HMCN2: variants seen among roughly 807,000 people sequenced by gnomAD.
HMCN2 encodes hemicentin-2.
In HMCN2, 325 loss-of-function variants were observed where a neutral mutation model predicts 377.5. That is an observed-to-expected ratio of 0.86 (90% CI 0.79 to 0.94). The LOEUF (loss-of-function observed/expected upper bound fraction) is 0.94, where lower values mean the gene tolerates loss of function less well. HMCN2 is among the 40% of genes least tolerant of loss of function. HMCN2 has a pLI of 0.00. For synonymous variants in HMCN2, 2,007 were observed against 2,046.8 expected, an observed-to-expected ratio of 0.98 and a Z score of 0.53; for missense variants, 4,543 against 4,725.3, an observed-to-expected ratio of 0.96 and a Z score of 1.13.
Position 130,351,400 on chromosome 9 carries a change from T to G in HMCN2, c.4431-23T>G, listed in dbSNP as rs1247360324. ...TCCAGCCCCTCGGCCTTACTGGCGC[T>G]TTTCCCTTGCCCGTCTCTCCAGGCC... On this transcript the variant is annotated intron_variant, in intron 29 of 97. Coordinates refer to ENST00000683500, the MANE Select transcript of HMCN2 (RefSeq NM_001291815.2). This position sits in a 1 kb window ranked among gnomAD's most constrained non-coding sequence, Gnocchi z 5.4. 7.7e-7 allele frequency: 1 copy of G among 1,292,322 alleles called. No individual in the cohort carries two copies. The highest frequency in any genetic ancestry group is 1.2e-5 in the South Asian group (1 of 80,108). 80.1% of individuals were successfully genotyped at this position (1,292,322 alleles called of 1,614,324 possible). A position where few individuals can be genotyped will look rare whatever the true frequency, so the allele number is the denominator to read the frequency against.
intron 82 of HMCN2, chr9:130,406,482 C>G: frequency 3.5e-6 from 1 of 288,822 alleles, no homozygotes; most frequent in Non-Finnish European, 6.9e-6. Flanking sequence ...TCAGCAAACC[C>G]CTTTTGCTGG....
chr9:130,343,008 A>G (rs1839143132), intron 25 of HMCN2, among the ~76,000 whole-genome samples: 1 of 152,140 alleles, frequency 6.6e-6, no homozygotes, highest in Non-Finnish European at 1.5e-5. Context: ...TTCGAGCATC[A>G]GTTTCCCTGT....
chr9:130,296,902 C>T (rs2131319080), intron 7 of HMCN2, 108 bp downstream of exon 7: 1 of 412,864 alleles, frequency 2.4e-6, no homozygotes, highest in Non-Finnish European at 5.0e-6. Flanking sequence ...CTGTGTGTGA[C>T]TGTGAAAGGG....
At chr9:130,287,085 C>T (rs781993932) in intron 4 of HMCN2, among the ~76,000 whole-genome samples, 4 of 152,170 alleles carry the variant, frequency 2.6e-5, no homozygotes, top group Non-Finnish European at 4.4e-5. Flanking sequence ...TCGGCTGATT[C>T]CAAGTCAGAG....
intron 8 of HMCN2, among the ~76,000 whole-genome samples, chr9:130,301,646 C>G (rs557643413): frequency 9.2e-5 from 14 of 152,360 alleles, no homozygotes; most frequent in Middle Eastern, 3.4e-3. Context: ...CCCCTCCCCC[C>G]CCGGGACAGA....
Position 130,407,563 on chromosome 9 carries a change from C to T in HMCN2, c.12554-8C>T, listed in dbSNP as rs1362934027. 7.8e-7 allele frequency: 1 copy of T among 1,289,132 alleles called. No homozygotes were observed. Among genetic ancestry groups the T allele is most frequent in the Non-Finnish European group, 1.0e-6 (1 of 988,600 alleles). The allele number at this position is 1,289,132 out of a possible 1,614,324, so 79.9% of individuals were successfully genotyped here. On this transcript the variant is annotated splice_region_variant and splice_polypyrimidine_tract_variant and intron_variant, in intron 82 of 97. Transcript: ENST00000683500. ...TCCCTGCACCCGACTTCTCTTTCTC[C>T]ACCACAGAAGGGGTGTCTGAGCAGG... is the stretch of plus-strand genomic sequence containing the variant.
intron 86 of HMCN2, among the ~76,000 whole-genome samples, chr9:130,420,569 A>T (rs1343165813): frequency 6.6e-6 from 1 of 152,036 alleles, no homozygotes; most frequent in African/African-American, 2.4e-5. Flanking sequence ...CCAGGATCAC[A>T]CTGTCAGCAG....
Position 130,375,888 on chromosome 9 carries a change from T to G in HMCN2, c.7817T>G (p.Leu2606Arg). 1.0e-6 allele frequency: 1 copy of G among 985,962 alleles called. No individual in the cohort carries two copies. Among genetic ancestry groups the G allele is most frequent in the Non-Finnish European group, 1.2e-6 (1 of 830,038 alleles). The allele number at this position is 985,962 out of a possible 1,614,324, so 61.1% of individuals were successfully genotyped here. A position where few individuals can be genotyped will look rare whatever the true frequency, so the allele number is the denominator to read the frequency against. ...GGCCCCCACACAGGTACCCACGGGC[T>G]GCAGATCCTGAATGCCCAGAAGGAA... The part of the protein sequence containing the change: ...NIQLLPGTHG[L>R]QILNAQKEDA... Residue 2606 changes from leucine to arginine, a missense_variant, in exon 51 of 98, where the codon CTG becomes CGG. Leu to Arg is a moderately radical substitution (Grantham distance 102, BLOSUM62 -2). Transcript: ENST00000683500.
At chr9:130,406,635 C>T (rs183969465) in intron 82 of HMCN2, 2 of 179,192 alleles carry the variant, frequency 1.1e-5, no homozygotes, top group African/African-American at 4.7e-5. Flanking sequence ...TGATACTTTC[C>T]TACATTAGGA....
At chr9:130,380,424 G>T (rs1841647961) in intron 54 of HMCN2, among the ~76,000 whole-genome samples, 1 of 152,116 alleles carries the variant, frequency 6.6e-6, no homozygotes. Flanking sequence ...TGGTTTTGGG[G>T]AGAAGTGGTC....
At chr9:130,353,281 AAAGG>A in intron 31 of HMCN2, 76 bp downstream of exon 31, 2 of 1,241,546 alleles carry the variant, frequency 1.6e-6, no homozygotes, top group Non-Finnish European at 2.1e-6. Flanking sequence ...GCCTGTCTCC[AAAGG>A]AAGGCTAGGT....
chr9:130,351,630 C>T lies in HMCN2; in HGVS notation c.4585+53C>T. ...GCCACAGGCTACTCAGGAAGCTTCC[C>T]ACCCAGCTGCCCGCTGCCTTAGAGG... On this transcript the variant is annotated intron_variant, in intron 30 of 97. Transcript: ENST00000683500. This position sits in a 1 kb window ranked among gnomAD's most constrained non-coding sequence, Gnocchi z 5.4. 1 of 1,267,190 alleles carries T rather than the reference C, an allele frequency of 7.9e-7. No homozygotes were observed. Among genetic ancestry groups the T allele is most frequent in the South Asian group, 1.3e-5 (1 of 76,954 alleles). The allele number at this position is 1,267,190 out of a possible 1,614,324, so 78.5% of individuals were successfully genotyped here.
Position 130,303,632 on chromosome 9 carries a change from T to C in HMCN2, c.1543+24T>C, listed in dbSNP as rs372374545. ...AGGTCTGTCCCTTGGGGCCCCTCCA[T>C]GTACCCCTTCCTTACCCTCTTCTTG... is the stretch of plus-strand genomic sequence containing the variant. On this transcript the variant is annotated intron_variant, in intron 10 of 97. Coordinates refer to ENST00000683500, the MANE Select transcript of HMCN2 (RefSeq NM_001291815.2). The surrounding 1 kb of genome is among the most constrained non-coding windows in gnomAD (Gnocchi z 5.2). The C allele has an allele frequency of 1.2e-3, 287 of 246,294 alleles. 2 individuals are homozygous for C. Among genetic ancestry groups the C allele is most frequent in the African/African-American group, 6.3e-3 (267 of 42,542 alleles). 15.3% of individuals were successfully genotyped at this position (246,294 alleles called of 1,614,324 possible).
intron 22 of HMCN2, among the ~76,000 whole-genome samples, chr9:130,331,209 T>A (rs1193488281): frequency 6.6e-6 from 1 of 151,354 alleles, no homozygotes; most frequent in Non-Finnish European, 1.5e-5. Context: ...GCTCCCATCA[T>A]CGCTAAGTCA....
At chr9:130,412,766 G>T (rs992306272) in intron 85 of HMCN2, among the ~76,000 whole-genome samples, 2 of 151,958 alleles carry the variant, frequency 1.3e-5, no homozygotes, top group African/African-American at 4.8e-5. Flanking sequence ...TAGTAGAGAC[G>T]AGGTTTCGTC....
chr9:130,433,298 TC>T, intron 97 of HMCN2, 49 bp from the exon 98 acceptor site: 1 of 1,363,258 alleles, frequency 7.3e-7, no homozygotes, highest in Non-Finnish European at 9.5e-7. Flanking sequence ...TGGGCCACGC[TC>T]CGACCGCACC....
chr9:130,349,448 T>TG, intron 28 of HMCN2, 89 bp from the exon 29 acceptor site: 3 of 1,230,056 alleles, frequency 2.4e-6, no homozygotes, highest in Admixed American at 2.7e-5. Flanking sequence ...GGGCCCAGGC[T>TG]GGGGGGTCTG....
At chr9:130,315,815 TG>T (rs1307007597) in intron 15 of HMCN2, among the ~76,000 whole-genome samples, 5 of 152,130 alleles carry the variant, frequency 3.3e-5, no homozygotes, top group African/African-American at 1.2e-4. Flanking sequence ...GGCCTTTCCT[TG>T]GGACCTATGG....
intron 29 of HMCN2, among the ~76,000 whole-genome samples, chr9:130,350,972 A>G (rs564829620): frequency 6.6e-5 from 10 of 152,096 alleles, no homozygotes; most frequent in Admixed American, 5.9e-4. Context: ...TTTCACTTCT[A>G]TTTAGTTCCT....
Sources: allele counts gnomAD v4.1 joint callset (sites outside exome capture counted in the v4.1 genomes callset), GRCh38; gene constraint gnomAD v4.1.1; non-coding constraint Gnocchi (gnomAD v3.1); transcripts MANE v1.5; gene names NCBI Gene and HGNC (gene_info 2026-07-23, HGNC 2026-07-21).